VIT: variants seen among roughly 807,000 people sequenced by gnomAD.
The protein encoded by VIT is vitrin.
A neutral mutation model predicts 78.0 loss-of-function variants in VIT; 99 were observed. That is an observed-to-expected ratio of 1.27 (90% CI 1.08 to 1.50). VIT has a LOEUF of 1.50. Among genes scored for constraint, VIT ranks in the 40% most tolerant of loss-of-function variants. The pLI, the probability that VIT is intolerant of heterozygous loss-of-function variation, is 0.00. For missense variants in VIT, 1,126 were observed against 875.3 expected (o/e 1.29, Z -3.61); for synonymous variants, 374 against 334.3 (o/e 1.12, Z -1.29).
intron 3 of VIT, among the ~76,000 whole-genome samples, chr2:36,739,872 G>A (rs866941035): frequency 6.6e-6 from 1 of 152,114 alleles, no homozygotes; most frequent in East Asian, 1.9e-4. Context: ...TTTCCCTCAC[G>A]GACGCTAGCA....
intron 15 of VIT, 146 bp from the exon 16 acceptor site, chr2:36,814,037 G>T: frequency 1.2e-6 from 1 of 853,108 alleles, no homozygotes; most frequent in Non-Finnish European, 1.8e-6. Flanking sequence ...AAACCTAGAG[G>T]CCTGTAGCGT....
Position 36,754,927 on chromosome 2 carries a change from G to A in VIT, c.282G>A (p.Val94=). ...TTATTTTTTCTCTTCATAGTGGTGT[G>A]CTTGATAATTCAGGAGGGAAAATAC... ...SVCGAAVHSG[V]LDNSGGKILV... The change falls in exon 5 of 16, where the codon GTG becomes GTA. Residue 94 remains valine (V), a synonymous_variant. Transcript: ENST00000379242. 1.2e-6 allele frequency: 2 copies of A among 1,613,746 alleles called. No individual in the cohort carries two copies. Among genetic ancestry groups the A allele is most frequent in the Non-Finnish European group, 1.7e-6 (2 of 1,179,858 alleles).
At position 36,808,750 on chromosome 2, in the gene VIT, C is replaced by T. The variant is rs201460204; in HGVS notation, c.1668C>T (p.Tyr556=). The T allele has an allele frequency of 1.2e-4, 196 of 1,613,990 alleles. No individual in the cohort carries two copies. Among genetic ancestry groups the T allele is most frequent in the Non-Finnish European group, 1.5e-4 (181 of 1,179,958 alleles). Residue 556 remains tyrosine, a synonymous_variant, in exon 15 of 16, where the codon TAC becomes TAT. Coordinates refer to ENST00000379242, the MANE Select transcript of VIT (RefSeq NM_053276.4). ...GCATCGGGGCCGTGCAGTACACCTACGAACAGCGGCTGGAGTTTGGGTTCG... is the reference window on the plus strand; with the variant it reads ...GCATCGGGGCCGTGCAGTACACCTATGAACAGCGGCTGGAGTTTGGGTTCG... ...DTRIGAVQYT[Y]EQRLEFGFDK...
Position 36,776,380 on chromosome 2 carries a change from A to G in VIT, c.802+1313A>G, listed in dbSNP as rs568450229. 2.6e-5 allele frequency among the ~76,000 whole-genome samples: 4 copies of G among 152,352 alleles called. No homozygotes were observed. The South Asian group carries it at 6.2e-4, about 24-fold the overall frequency. On this transcript the variant is annotated intron_variant, in intron 9 of 15. Transcript: ENST00000379242. ...TGATAACAGACTCCAGCTATCTTCT[A>G]TTATGATAGACATTGGAGACATTTG...
chr2:36,768,600 G>A (rs921458045), intron 7 of VIT, among the ~76,000 whole-genome samples: 2 of 152,134 alleles, frequency 1.3e-5, no homozygotes, highest in African/African-American at 4.8e-5. Flanking sequence ...CAAGGAGTAA[G>A]GCAGTGAGGA....
At chr2:36,751,499 G>A (rs1572473160) in intron 4 of VIT, among the ~76,000 whole-genome samples, 1 of 152,262 alleles carries the variant, frequency 6.6e-6, no homozygotes, top group East Asian at 1.9e-4. Context: ...ATAAGAACTG[G>A]GGAGTCCCAG....
intron 12 of VIT, among the ~76,000 whole-genome samples, chr2:36,793,528 A>T (rs765489539): frequency 6.6e-6 from 1 of 152,194 alleles, no homozygotes; most frequent in African/African-American, 2.4e-5. Flanking sequence ...TTCCATCTGA[A>T]CCAGGTAATA....
intron 4 of VIT, 139 bp from the exon 5 acceptor site, chr2:36,754,782 G>T: frequency 1.1e-6 from 1 of 869,680 alleles, no homozygotes. Flanking sequence ...TGTGGGTTGG[G>T]CTTCATGTCA....
intron 9 of VIT, among the ~76,000 whole-genome samples, chr2:36,778,801 A>C (rs1204688159): frequency 6.6e-6 from 1 of 152,156 alleles, no homozygotes; most frequent in Non-Finnish European, 1.5e-5. Flanking sequence ...TTGGGACATG[A>C]AGCCAGGTGA....
At chr2:36,801,591 T>G (rs1331388445) in intron 13 of VIT, among the ~76,000 whole-genome samples, 187 bp downstream of exon 13, 1 of 152,100 alleles carries the variant, frequency 6.6e-6, no homozygotes, top group African/African-American at 2.4e-5. Flanking sequence ...GCAGATCACT[T>G]GAGGTCAGGA....
At chr2:36,777,959 G>A (rs542567325) in intron 9 of VIT, among the ~76,000 whole-genome samples, 53 of 152,240 alleles carry the variant, frequency 3.5e-4, no homozygotes, top group African/African-American at 1.2e-3. Context: ...AGTTACATGT[G>A]GACCTGATGA....
chr2:36,786,962 G>A (rs1340250737), intron 11 of VIT, among the ~76,000 whole-genome samples, 167 bp from the exon 12 acceptor site: 1 of 152,200 alleles, frequency 6.6e-6, no homozygotes, highest in Non-Finnish European at 1.5e-5. Flanking sequence ...CTGGTGCTCA[G>A]GGAAACCCCT....
chr2:36,772,860 C>T (rs1198443787), intron 7 of VIT, among the ~76,000 whole-genome samples: 6 of 152,198 alleles, frequency 3.9e-5, no homozygotes, highest in Non-Finnish European at 7.3e-5. Context: ...TCTTCCCCTT[C>T]ATGACATTTG....
intron 9 of VIT, among the ~76,000 whole-genome samples, chr2:36,780,816 G>A (rs1664698184): frequency 6.6e-6 from 1 of 152,002 alleles, no homozygotes; most frequent in African/African-American, 2.4e-5. Flanking sequence ...GAGGGAGGGT[G>A]GGATGGAGGG....
chr2:36,806,087 C>T (rs1666706770), intron 14 of VIT, among the ~76,000 whole-genome samples: 2 of 152,192 alleles, frequency 1.3e-5, no homozygotes, highest in South Asian at 4.1e-4. Context: ...AGAAAGGAGG[C>T]ACTGAACCAC....
At chr2:36,716,687 C>A (rs1666156395) in intron 2 of VIT, among the ~76,000 whole-genome samples, 1 of 152,100 alleles carries the variant, frequency 6.6e-6, no homozygotes, top group Non-Finnish European at 1.5e-5. Flanking sequence ...TGCACACACA[C>A]ATACACACAC....
Position 36,745,201 on chromosome 2 carries a change from G to C in VIT, c.275+1945G>C, listed in dbSNP as rs186213042. Among the ~76,000 whole-genome samples the C allele has an allele frequency of 1.3e-3, 194 of 152,148 alleles. 2 individuals are homozygous for C. Among genetic ancestry groups the C allele is most frequent in the African/African-American group, 4.3e-3 (180 of 41,546 alleles). ...TGTCCGGTTTTTGTACTGACACCAT[G>C]TTGTTTTGATTGCTGTAGCCTTGTA... is the stretch of plus-strand genomic sequence containing the variant. On this transcript the variant is annotated intron_variant, in intron 4 of 15. Coordinates refer to ENST00000379242, the MANE Select transcript of VIT (RefSeq NM_053276.4).
chr2:36,791,750 G>T (rs564830490), intron 12 of VIT, among the ~76,000 whole-genome samples: 11 of 152,302 alleles, frequency 7.2e-5, no homozygotes, highest in African/African-American at 2.2e-4. Flanking sequence ...TCTAGAGAGG[G>T]GCACAGCTCT....
At chr2:36,735,329 G>T (rs62132533) in intron 3 of VIT, among the ~76,000 whole-genome samples, 44,014 of 152,106 alleles carry the variant, frequency 0.29, 6,722 homozygotes, top group South Asian at 0.36. Context: ...TATGTGCTCA[G>T]TTGTATTGGA....
Sources: allele counts gnomAD v4.1 joint callset (sites outside exome capture counted in the v4.1 genomes callset), GRCh38; gene constraint gnomAD v4.1.1; transcripts MANE v1.5; gene names NCBI Gene and HGNC (gene_info 2026-07-23, HGNC 2026-07-21).